The following SLC38A2 variants were observed in gnomAD, a reference collection of about 807,000 sequenced individuals.
SLC38A2 encodes the protein solute carrier family 38 member 2, also known as sodium-coupled neutral amino acid symporter 2.
A neutral mutation model predicts 61.5 loss-of-function variants in SLC38A2; 11 were observed. The observed-to-expected ratio is 0.18, with a 90% CI of 0.11 to 0.30. SLC38A2 has a LOEUF of 0.30. SLC38A2 is among the 10% of genes least tolerant of loss of function. SLC38A2 has a pLI of 1.00. For missense variants in SLC38A2, 522 were observed against 600.4 expected, an observed-to-expected ratio of 0.87 and a Z score of 1.36; for synonymous variants, 217 against 212.5, an observed-to-expected ratio of 1.02 and a Z score of -0.18.
chr12:46,365,180 A>G lies in SLC38A2; in HGVS notation c.573T>C (p.Tyr191=), dbSNP rs1301447550. ...TNIEDKTGLW[Y]LNGNYLVLLV... ...ACAGAACCAAATAGTTCCCGTTCAG[A>G]TACCACAATCTAAAGAAAACAGAAA... Residue 191 remains tyrosine (Y), a synonymous_variant, in exon 8 of 16, where the codon TAT becomes TAC. Transcript: ENST00000256689. 6.2e-7 allele frequency: 1 copy of G among 1,613,376 alleles called. No individual in the cohort carries two copies. Among genetic ancestry groups the G allele is most frequent in the Non-Finnish European group, 8.5e-7 (1 of 1,179,452 alleles).
In SLC38A2 at chr12:46,363,243, AC is replaced by A. The variant is rs958710813; in HGVS notation, c.1055-99del. On this transcript the variant is annotated intron_variant, in intron 12 of 15. Coordinates refer to ENST00000256689, the MANE Select transcript of SLC38A2 (RefSeq NM_018976.5). ...ATGTGCACCAGTTATTTAGCTACTC[AC>A]AAAACGACTATAAACTAAGAGGCTA... The A allele has an allele frequency of 3.0e-6, 4 of 1,330,008 alleles. No homozygotes were observed. In the African/African-American group the frequency reaches 5.9e-5, roughly 20 times the overall value. The allele number at this position is 1,330,008 out of a possible 1,614,324, so 82.4% of individuals were successfully genotyped here. A position where few individuals can be genotyped will look rare whatever the true frequency, so the allele number is the denominator to read the frequency against.
chr12:46,367,070 T>A lies in SLC38A2; in HGVS notation c.481+6A>T. ...CTACCCAAATAATCTTTTGAAAAAT[T>A]CTTACCTCCAATGTTCTGCATTGTA... On this transcript the variant is annotated splice_donor_region_variant and intron_variant, in intron 6 of 15. Coordinates refer to ENST00000256689, the MANE Select transcript of SLC38A2 (RefSeq NM_018976.5). 6.2e-7 allele frequency: 1 copy of A among 1,613,684 alleles called. No individual in the cohort carries two copies. The highest frequency in any genetic ancestry group is 8.5e-7 in the Non-Finnish European group (1 of 1,179,712).
rs756077736 is a variant in SLC38A2 at position 46,361,095 on chromosome 12, G to C, written c.*16C>G. ...CTGGCATCAGATGGACTGAGTTTGA[G>C]TTTGAGTGGTGCCAATTAATGGCCA... On this transcript the variant is annotated 3_prime_UTR_variant, in exon 16 of 16. Coordinates refer to ENST00000256689, the MANE Select transcript of SLC38A2 (RefSeq NM_018976.5). The C allele has an allele frequency of 2.5e-6, 4 of 1,603,900 alleles. No individual in the cohort carries two copies. In the South Asian group the frequency reaches 4.4e-5, roughly 18 times the overall value.
Position 46,363,647 on chromosome 12 carries a change from A to C in SLC38A2, c.1054+79T>G, listed in dbSNP as rs1031733869. 1.2e-5 allele frequency: 10 copies of C among 838,020 alleles called. No individual in the cohort carries two copies. In the Admixed American group the frequency reaches 2.5e-4, roughly 21 times the overall value. 51.9% of individuals were successfully genotyped at this position (838,020 alleles called of 1,614,324 possible). On this transcript the variant is annotated intron_variant, in intron 12 of 15. Coordinates refer to ENST00000256689, the MANE Select transcript of SLC38A2 (RefSeq NM_018976.5). ...TATTTTTAAAGTGATGGAACTACAC[A>C]TAGAAAACTAGCAGCTTCATTTCAA...
rs750705465 is a variant in SLC38A2 at position 46,372,694 on chromosome 12, C to T, written c.-272G>A. 14 of 398,530 alleles carry T rather than the reference C, an allele frequency of 3.5e-5. No individual in the cohort carries two copies. The highest frequency in any genetic ancestry group is 1.0e-4 in the African/African-American group (5 of 48,768). The allele number at this position is 398,530 out of a possible 1,614,324, so 24.7% of individuals were successfully genotyped here. A position where few individuals can be genotyped will look rare whatever the true frequency, so the allele number is the denominator to read the frequency against. ...CGTCCGCCGTGTCAAGGGAAAGGCG[C>T]GAGCGTGCGGTAACGCGTGGTCGGG... On this transcript the variant is annotated 5_prime_UTR_variant, in exon 1 of 16. Transcript: ENST00000256689.
rs1376793516 is a variant in SLC38A2 at position 46,361,156 on chromosome 12, C to T, written c.1476G>A (p.Leu492=). 6.2e-7 allele frequency: 1 copy of T among 1,613,642 alleles called. No homozygotes were observed. Among genetic ancestry groups the T allele is most frequent in the East Asian group, 2.2e-5 (1 of 44,874 alleles). Residue 492 remains leucine, a synonymous_variant, in exon 16 of 16, where the codon TTG becomes TTA. Coordinates refer to ENST00000256689, the MANE Select transcript of SLC38A2 (RefSeq NM_018976.5). ...CATTGTGTACCCAATCCAAAACAAT[C>T]AAGGCCATGCTTCCGGTCATCACCA... ...GVLVMTGSMA[L]IVLDWVHNAP...
In SLC38A2 at chr12:46,361,151, A is replaced by C; in HGVS notation, c.1481T>G (p.Val494Gly). 1.2e-6 allele frequency: 2 copies of C among 1,613,700 alleles called. No individual in the cohort carries two copies. The highest frequency in any genetic ancestry group is 1.7e-6 in the Non-Finnish European group (2 of 1,179,716). The change falls in exon 16 of 16, where the codon GTT becomes GGT. Residue 494 changes from valine (V) to glycine (G), a missense_variant. Coordinates refer to ENST00000256689, the MANE Select transcript of SLC38A2 (RefSeq NM_018976.5). ...LVMTGSMALI[V>G]LDWVHNAPGG... ...AGGTGCATTGTGTACCCAATCCAAA[A>C]CAATCAAGGCCATGCTTCCGGTCAT...
chr12:46,372,350 GGGCCAGGGTGGAAGGCT>G (rs1565831573), intron 1 of SLC38A2, 142 bp downstream of exon 1: 11 of 222,136 alleles, frequency 5.0e-5, no homozygotes. Flanking sequence ...CCCGCGCGGC[GGGCCAGGGTGGAAGGCT>G]GGCCAGCCCA....
At chr12:46,371,560 G>C (rs1592208815) in intron 1 of SLC38A2, 181 bp from the exon 2 acceptor site, 1 of 439,180 alleles carries the variant, frequency 2.3e-6, no homozygotes, top group Non-Finnish European at 4.0e-6. Flanking sequence ...GAGCCGCGGG[G>C]AGAACAAAGA....
At chr12:46,362,079 ATTAAT>A (rs1021904257) in intron 15 of SLC38A2, 200 bp downstream of exon 15, 44 of 487,962 alleles carry the variant, frequency 9.0e-5, no homozygotes, top group South Asian at 4.1e-4. Flanking sequence ...CTTTATTGCA[ATTAAT>A]TTAAGTGTTC....
intron 7 of SLC38A2, among the ~76,000 whole-genome samples, chr12:46,366,183 T>A (rs1049351513): frequency 1.3e-5 from 2 of 152,182 alleles, no homozygotes; most frequent in African/African-American, 2.4e-5. Context: ...TTCTGGCACA[T>A]GTTGAGTATC....
chr12:46,364,301 T>C, intron 10 of SLC38A2, 88 bp downstream of exon 10: 1 of 1,336,296 alleles, frequency 7.5e-7, no homozygotes, highest in Non-Finnish European at 1.0e-6. Context: ...AAGCACCTAT[T>C]ATCCTCCTCC....
Position 46,359,074 on chromosome 12 carries a change from G to C in SLC38A2, c.*2037C>G, listed in dbSNP as rs1943053206. 1 of 132,736 alleles carries C rather than the reference G, an allele frequency of 7.5e-6. No individual in the cohort carries two copies. 8.2% of individuals were successfully genotyped at this position (132,736 alleles called of 1,614,324 possible). A position where few individuals can be genotyped will look rare whatever the true frequency, so the allele number is the denominator to read the frequency against. ...TTTCCATTCCTTCCTGGTTGCCACA[G>C]TATCTTCTCCCATACAAAAAAAAAA... On this transcript the variant is annotated 3_prime_UTR_variant, in exon 16 of 16. Coordinates refer to ENST00000256689, the MANE Select transcript of SLC38A2 (RefSeq NM_018976.5).
chr12:46,362,872 C>T, intron 13 of SLC38A2, 149 bp downstream of exon 13: 1 of 1,044,054 alleles, frequency 9.6e-7, no homozygotes, highest in Non-Finnish European at 1.4e-6. Context: ...TGAAAATATA[C>T]ACTGTATTTT....
At chr12:46,364,764 T>C (rs1242980961) in intron 8 of SLC38A2, 62 bp from the exon 9 acceptor site, 2 of 1,491,072 alleles carry the variant, frequency 1.3e-6, no homozygotes, top group African/African-American at 2.8e-5. Flanking sequence ...GGCAAATATC[T>C]TTTTCCCACT....
intron 15 of SLC38A2, chr12:46,361,898 T>A (rs911455065): frequency 6.1e-6 from 1 of 164,380 alleles, no homozygotes. Context: ...GCTCTGAAGA[T>A]GGTCAGTCTC....
rs553850753 is a variant in SLC38A2, at chr12:46,371,259, G to C, written c.35C>G (p.Ser12Cys). 1.2e-6 allele frequency: 2 copies of C among 1,614,244 alleles called. No homozygotes were observed. The highest frequency in any genetic ancestry group is 3.3e-5 in the Admixed American group (2 of 60,030). Reference sequence around the variant, plus strand: ...GTAGCTGCTGCTGTCTTCATCCGGGGAAATACTGAATCGTCCCATTTCGGC... The same window carrying C: ...GTAGCTGCTGCTGTCTTCATCCGGGCAAATACTGAATCGTCCCATTTCGGC... The part of the protein sequence containing the change: ...KKAEMGRFSI[S>C]PDEDSSSYSS... Residue 12 changes from serine to cysteine, a missense_variant, in exon 2 of 16, where the codon TCC becomes TGC. By Grantham distance (112) the Ser-to-Cys change is moderately radical. Around this residue, in one of 3 missense-constraint regions of SLC38A2, gnomAD observed 102 missense variants for 83.1 expected, o/e 1.23. Coordinates refer to ENST00000256689, the MANE Select transcript of SLC38A2 (RefSeq NM_018976.5).
At position 46,363,012 on chromosome 12, in the gene SLC38A2, A is replaced by C. The variant is rs1271829350; in HGVS notation, c.1179+9T>G. On this transcript the variant is annotated intron_variant, in intron 13 of 15. Transcript: ENST00000256689. ...CTTCCTACTGAAAGCAGAGCAAGTGATTACTTACTGGGAAAATAACTACTG... is the reference window on the plus strand; with the variant it reads ...CTTCCTACTGAAAGCAGAGCAAGTGCTTACTTACTGGGAAAATAACTACTG... The C allele has an allele frequency of 3.7e-6, 6 of 1,612,322 alleles. No homozygotes were observed. The South Asian group carries it at 5.5e-5, about 15-fold the overall frequency.
intron 12 of SLC38A2, among the ~76,000 whole-genome samples, chr12:46,363,501 T>C (rs1433300721): frequency 6.6e-6 from 1 of 152,066 alleles, no homozygotes; most frequent in Non-Finnish European, 1.5e-5. Context: ...AAATATGCCA[T>C]CAAATGATTA....
Sources: allele counts gnomAD v4.1 joint callset (sites outside exome capture counted in the v4.1 genomes callset), GRCh38; gene constraint gnomAD v4.1.1; regional missense constraint gnomAD v4.1.1; transcripts MANE v1.5; gene names NCBI Gene and HGNC (gene_info 2026-07-23, HGNC 2026-07-21).